Variants in CNTN4 observed in about 807,000 individuals in gnomAD.
CNTN4 encodes contactin-4.
CNTN4 carries 77 observed loss-of-function variants against 122.5 expected under a neutral mutation model. The ratio of observed to expected loss-of-function variants is 0.63; its 90% CI spans 0.52 to 0.76. The LOEUF (loss-of-function observed/expected upper bound fraction) is 0.76. CNTN4 is among the 30% of genes least tolerant of loss of function. The pLI, the probability that CNTN4 is intolerant of heterozygous loss-of-function variation, is 0.00. For synonymous variants in CNTN4, 512 were observed against 447.0 expected (o/e 1.15, Z -1.83); for missense variants, 1,256 against 1,259.1 (o/e 1.00, Z 0.04).
intron 14 of CNTN4, among the ~76,000 whole-genome samples, chr3:3,000,679 C>T (rs1029683795): frequency 3.3e-5 from 5 of 152,170 alleles, no homozygotes; most frequent in Non-Finnish European, 5.9e-5. Flanking sequence ...TTCTATTCAT[C>T]TTAGCGTTCT....
chr3:2,946,940 A>C (rs2094685404), intron 13 of CNTN4, among the ~76,000 whole-genome samples: 2 of 152,084 alleles, frequency 1.3e-5, no homozygotes, highest in South Asian at 4.1e-4. Flanking sequence ...TCCCGGGCTC[A>C]AGCAATCCTC....
chr3:2,752,458 C>G (rs1379357045), intron 6 of CNTN4, among the ~76,000 whole-genome samples: 1 of 152,152 alleles, frequency 6.6e-6, no homozygotes, highest in Non-Finnish European at 1.5e-5. Context: ...CTCCACCTCC[C>G]GGGTCCAAGC....
intron 4 of CNTN4, among the ~76,000 whole-genome samples, chr3:2,707,234 A>G (rs920624444): frequency 1.3e-5 from 2 of 151,718 alleles, no homozygotes; most frequent in Non-Finnish European, 2.9e-5. Flanking sequence ...GGAACCCAGG[A>G]GGTTGAGGCT....
chr3:2,782,465 C>CTGTGTGTGTG (rs137927481), intron 6 of CNTN4, among the ~76,000 whole-genome samples: 1,581 of 133,256 alleles, frequency 0.012, 12 homozygotes, highest in Middle Eastern at 0.02. Flanking sequence ...CCTTCTTATT[C>CTGTGTGTGTG]TGTGTGTGTG....
At chr3:2,597,483 C>T (rs755014071) in intron 4 of CNTN4, among the ~76,000 whole-genome samples, 4 of 152,170 alleles carry the variant, frequency 2.6e-5, no homozygotes, top group Non-Finnish European at 5.9e-5. Context: ...TGTGTCTTGA[C>T]ATAAGGCTCC....
intron 4 of CNTN4, among the ~76,000 whole-genome samples, chr3:2,728,595 G>A (rs773892503): frequency 7.2e-5 from 11 of 152,162 alleles, no homozygotes; most frequent in Non-Finnish European, 1.0e-4. Flanking sequence ...TTACACACAC[G>A]GAGCATTTAC....
intron 3 of CNTN4, among the ~76,000 whole-genome samples, chr3:2,523,842 C>G (rs959654432): frequency 6.6e-6 from 1 of 151,912 alleles, no homozygotes; most frequent in Non-Finnish European, 1.5e-5. Context: ...TCAAAATAAC[C>G]CTTGTTTTGT....
intron 3 of CNTN4, among the ~76,000 whole-genome samples, chr3:2,377,772 A>AT (rs34464778): frequency 0.22 from 30,546 of 137,626 alleles, 3,208 homozygotes; most frequent in African/African-American, 0.26. Flanking sequence ...TTTTTTTGTG[A>AT]TTATTTTTTT....
chr3:2,303,225 A>T (rs920648223), intron 2 of CNTN4, among the ~76,000 whole-genome samples: 1 of 152,210 alleles, frequency 6.6e-6, no homozygotes, highest in Non-Finnish European at 1.5e-5. Context: ...GATGAAATTT[A>T]TATACCATAT....
chr3:2,366,599 C>A (rs1277579555), intron 3 of CNTN4, among the ~76,000 whole-genome samples: 1 of 151,748 alleles, frequency 6.6e-6, no homozygotes, highest in Non-Finnish European at 1.5e-5. Flanking sequence ...TGGTGGCGGG[C>A]GCCTGTAGTC....
At chr3:2,504,672 T>A (rs939263834) in intron 3 of CNTN4, among the ~76,000 whole-genome samples, 1 of 152,248 alleles carries the variant, frequency 6.6e-6, no homozygotes, top group Non-Finnish European at 1.5e-5. Context: ...GTTACAAAAG[T>A]AAAATAATAC....
chr3:2,379,379 C>T (rs1271075272), intron 3 of CNTN4, among the ~76,000 whole-genome samples: 1 of 152,014 alleles, frequency 6.6e-6, no homozygotes, highest in East Asian at 1.9e-4. Flanking sequence ...TATAAGGTTA[C>T]AGATTCTGGG....
intron 2 of CNTN4, among the ~76,000 whole-genome samples, chr3:2,166,598 A>T (rs1423309385): frequency 6.6e-6 from 1 of 152,148 alleles, no homozygotes; most frequent in East Asian, 1.9e-4. Flanking sequence ...AGGATCCTCA[A>T]CTGCAAGGAC....
chr3:2,243,543 T>A (rs934888038), intron 2 of CNTN4, among the ~76,000 whole-genome samples: 1 of 152,024 alleles, frequency 6.6e-6, no homozygotes, highest in African/African-American at 2.4e-5. Flanking sequence ...CCAGCTATCA[T>A]TAGTGTATTT....
rs187534839 is a variant in CNTN4 at position 2,113,261 on chromosome 3, A to G, written c.-145+12622A>G. ...TATTTGAGTTTGATATTGATCTTTG[A>G]TGTTATGTATGCTGCATTTCATTGA... On this transcript the variant is annotated intron_variant, in intron 2 of 24. Transcript: ENST00000418658. 3.6e-3 allele frequency among the ~76,000 whole-genome samples: 544 copies of G among 152,224 alleles called. 2 individuals are homozygous for G. Among genetic ancestry groups the G allele is most frequent in the Non-Finnish European group, 5.9e-3 (400 of 67,998 alleles).
At position 2,302,935 on chromosome 3, in the gene CNTN4, A is replaced by G. The variant is rs116723155; in HGVS notation, c.-144-36243A>G. On this transcript the variant is annotated intron_variant, in intron 2 of 24. Coordinates refer to ENST00000418658, the MANE Select transcript of CNTN4 (RefSeq NM_175607.3). ...CATGAGGTGCCCTTTTGTGGATTCAATATGTTTTGTATAATGGTGGAGCCA... is the reference window on the plus strand; with the variant it reads ...CATGAGGTGCCCTTTTGTGGATTCAGTATGTTTTGTATAATGGTGGAGCCA... Among the ~76,000 whole-genome samples the G allele has an allele frequency of 5.7e-3, 874 of 152,312 alleles. 12 individuals are homozygous for G. Among genetic ancestry groups the G allele is most frequent in the African/African-American group, 0.02 (840 of 41,564 alleles).
At chr3:2,134,780 C>T (rs1166697222) in intron 2 of CNTN4, among the ~76,000 whole-genome samples, 1 of 152,212 alleles carries the variant, frequency 6.6e-6, no homozygotes, top group Non-Finnish European at 1.5e-5. Context: ...TATGATGGCC[C>T]AGCTTATGCG....
intron 2 of CNTN4, among the ~76,000 whole-genome samples, chr3:2,146,196 C>G (rs940779373): frequency 6.9e-6 from 1 of 144,422 alleles, no homozygotes; most frequent in African/African-American, 2.6e-5. Context: ...CTTTTATTTA[C>G]TGTAGTTTTA....
intron 4 of CNTN4, among the ~76,000 whole-genome samples, chr3:2,726,856 C>T (rs2320829): frequency 4.4e-4 from 67 of 152,132 alleles, no homozygotes; most frequent in Non-Finnish European, 8.8e-4. Context: ...TTCATATTGG[C>T]TTATCGATTG....
Sources: allele counts gnomAD v4.1 joint callset (sites outside exome capture counted in the v4.1 genomes callset), GRCh38; gene constraint gnomAD v4.1.1; transcripts MANE v1.5; gene names NCBI Gene and HGNC (gene_info 2026-07-23, HGNC 2026-07-21).